The following PKHD1 variants were observed in gnomAD, a reference collection of about 807,000 sequenced individuals.
PKHD1 encodes PKHD1 ciliary IPT domain containing fibrocystin/polyductin.
PKHD1 carries 291 observed loss-of-function variants against 412.0 expected under a neutral mutation model. The observed-to-expected ratio is 0.71, with a 90% CI of 0.64 to 0.78. PKHD1 has a LOEUF of 0.78. PKHD1 is among the 30% of genes least tolerant of loss of function. The pLI, the probability that PKHD1 is intolerant of heterozygous loss-of-function variation, is 0.00. For synonymous variants in PKHD1, 1,777 were observed against 1,821.5 expected (o/e 0.98, Z 0.62); for missense variants, 4,825 against 4,950.7 (o/e 0.97, Z 0.76).
At chr6:52,034,778 A>C (rs575506769) in intron 28 of PKHD1, among the ~76,000 whole-genome samples, 1 of 152,366 alleles carries the variant, frequency 6.6e-6, no homozygotes, top group East Asian at 1.9e-4. Flanking sequence ...AACAAATTAG[A>C]GTACAACCAC....
chr6:51,963,079 CAT>C (rs1491216180), intron 35 of PKHD1, among the ~76,000 whole-genome samples: 1 of 152,116 alleles, frequency 6.6e-6, no homozygotes, highest in Non-Finnish European at 1.5e-5. Flanking sequence ...AACACACACA[CAT>C]CTCTTCCTAA....
At chr6:52,024,256 G>A (rs1801814269) in intron 32 of PKHD1, among the ~76,000 whole-genome samples, 2 of 152,114 alleles carry the variant, frequency 1.3e-5, no homozygotes, top group African/African-American at 2.4e-5. Context: ...AGGCATTTAC[G>A]TTCTTAAATG....
At chr6:51,756,265 C>A (rs1786996856) in intron 55 of PKHD1, among the ~76,000 whole-genome samples, 1 of 152,094 alleles carries the variant, frequency 6.6e-6, no homozygotes, top group South Asian at 2.1e-4. Context: ...AATATTTAAG[C>A]ACCACAAGCT....
chr6:51,871,339 G>C (rs913244550), intron 46 of PKHD1, among the ~76,000 whole-genome samples: 1 of 54,932 alleles, frequency 1.8e-5, no homozygotes, highest in African/African-American at 4.7e-5. Context: ...AATACTATTC[G>C]TCGATAATAA....
At chr6:51,689,579 C>A (rs1400116906) in intron 60 of PKHD1, among the ~76,000 whole-genome samples, 4 of 152,078 alleles carry the variant, frequency 2.6e-5, no homozygotes, top group Non-Finnish European at 5.9e-5. Context: ...AGGACATGAT[C>A]CTATGTCTTG....
intron 60 of PKHD1, among the ~76,000 whole-genome samples, chr6:51,720,104 C>A (rs1781729367): frequency 6.6e-6 from 1 of 152,088 alleles, no homozygotes; most frequent in Non-Finnish European, 1.5e-5. Context: ...ATTCTATTAT[C>A]CATTATGCTT....
chr6:51,845,271 C>G (rs1461256873), intron 50 of PKHD1, among the ~76,000 whole-genome samples: 1 of 152,224 alleles, frequency 6.6e-6, no homozygotes, highest in African/African-American at 2.4e-5. Flanking sequence ...ATTTACACAA[C>G]CCAGTATAGC....
chr6:51,746,988 C>T lies in PKHD1; in HGVS notation c.9830-99G>A, dbSNP rs1173957787. On this transcript the variant is annotated intron_variant, in intron 58 of 66. Transcript: ENST00000371117. ...AAATATTGTTATAATAATGTATACCCTAAGTTAGTTAAAGCTATCCAGGAT... is the reference window on the plus strand; with the variant it reads ...AAATATTGTTATAATAATGTATACCTTAAGTTAGTTAAAGCTATCCAGGAT... 13 of 757,330 alleles carry T rather than the reference C, an allele frequency of 1.7e-5. No individual in the cohort carries two copies. The East Asian group carries it at 3.0e-4, about 17-fold the overall frequency. The allele number at this position is 757,330 out of a possible 1,614,324, so 46.9% of individuals were successfully genotyped here. A position where few individuals can be genotyped will look rare whatever the true frequency, so the allele number is the denominator to read the frequency against.
intron 52 of PKHD1, among the ~76,000 whole-genome samples, chr6:51,829,677 G>A (rs1383937732): frequency 3.3e-5 from 5 of 152,098 alleles, no homozygotes. Context: ...GTGTCTCTGG[G>A]CACAGTTACA....
chr6:51,685,147 C>T (rs1252617110), intron 60 of PKHD1, among the ~76,000 whole-genome samples: 1 of 152,074 alleles, frequency 6.6e-6, no homozygotes, highest in African/African-American at 2.4e-5. Flanking sequence ...GAAAATATTA[C>T]ACCCCATTAC....
At chr6:51,767,849 A>G (rs55931526) in intron 55 of PKHD1, among the ~76,000 whole-genome samples, 27,945 of 151,922 alleles carry the variant, frequency 0.18, 3,376 homozygotes, top group African/African-American at 0.34. Context: ...GGATGGCTGG[A>G]TCAAATGGTA....
chr6:51,714,835 C>T (rs1200592211), intron 60 of PKHD1, among the ~76,000 whole-genome samples: 2 of 151,960 alleles, frequency 1.3e-5, no homozygotes, highest in Non-Finnish European at 2.9e-5. Flanking sequence ...GTTGAAGTTT[C>T]AATACCAGAG....
chr6:51,757,087 A>G (rs1787146572), intron 55 of PKHD1, among the ~76,000 whole-genome samples: 1 of 152,150 alleles, frequency 6.6e-6, no homozygotes, highest in Non-Finnish European at 1.5e-5. Context: ...CCCACCACTC[A>G]CTTCCTGCTG....
At chr6:51,688,510 CAA>C (rs545113681) in intron 60 of PKHD1, among the ~76,000 whole-genome samples, 1 of 138,162 alleles carries the variant, frequency 7.2e-6, no homozygotes, top group African/African-American at 2.7e-5. Context: ...GAAACACACA[CAA>C]AAAAAAAAAT....
intron 35 of PKHD1, among the ~76,000 whole-genome samples, chr6:51,963,079 C>T (rs1792313030): frequency 6.6e-6 from 1 of 152,116 alleles, no homozygotes; most frequent in African/African-American, 2.4e-5. Flanking sequence ...AACACACACA[C>T]ATCTCTTCCT....
chr6:51,710,575 C>T (rs953686665), intron 60 of PKHD1, among the ~76,000 whole-genome samples: 1 of 152,072 alleles, frequency 6.6e-6, no homozygotes, highest in African/African-American at 2.4e-5. Flanking sequence ...TTCCTTTTCA[C>T]TTCTCTAAAT....
chr6:51,771,347 C>T (rs1243594035), intron 55 of PKHD1, among the ~76,000 whole-genome samples: 1 of 152,102 alleles, frequency 6.6e-6, no homozygotes, highest in Admixed American at 6.6e-5. Context: ...TTAGGCCAGG[C>T]ACGGTGGCTC....
chr6:51,671,368 G>A (rs1342647294), intron 60 of PKHD1, among the ~76,000 whole-genome samples: 2 of 152,044 alleles, frequency 1.3e-5, no homozygotes, highest in African/African-American at 2.4e-5. Flanking sequence ...CATTCTTCAC[G>A]TAGTTCTCGA....
chr6:52,081,630 G>A (rs1232528234), intron 4 of PKHD1, among the ~76,000 whole-genome samples: 1 of 152,146 alleles, frequency 6.6e-6, no homozygotes, highest in Non-Finnish European at 1.5e-5. Context: ...CATACACCCT[G>A]TGGATGAATT....
Sources: gnomAD v4.1 joint callset for allele counts (sites outside exome capture counted in the v4.1 genomes callset) on GRCh38, gnomAD v4.1.1 for gene constraint, MANE v1.5 for transcripts, NCBI Gene and HGNC (gene_info 2026-07-23, HGNC 2026-07-21) for gene names.